Variants in COLQ observed in about 807,000 individuals in gnomAD.
COLQ encodes collagen like tail subunit of asymmetric acetylcholinesterase, also known as acetylcholinesterase collagenic tail peptide.
COLQ carries 48 observed loss-of-function variants against 69.0 expected under a neutral mutation model. That is an observed-to-expected ratio of 0.70 (90% CI 0.55 to 0.88). COLQ has a LOEUF of 0.88. Among genes scored for constraint, COLQ ranks in the 40% least tolerant of loss-of-function variants. The probability of loss-of-function intolerance (pLI) is 0.00; values close to 1 mark genes in which losing one functional copy is unlikely to be tolerated. For missense variants in COLQ, 618 were observed against 594.6 expected (o/e 1.04, Z -0.41); for synonymous variants, 217 against 211.2 (o/e 1.03, Z -0.24).
At chr3:15,465,153 G>T (rs1258863760) in intron 12 of COLQ, among the ~76,000 whole-genome samples, 2 of 95,436 alleles carry the variant, frequency 2.1e-5, no homozygotes, top group African/African-American at 8.4e-5. Context: ...CAACCTGGGC[G>T]ACAGAGCAAG....
chr3:15,498,733 G>C, intron 1 of COLQ: 2 of 1,536,388 alleles, frequency 1.3e-6, no homozygotes, highest in Non-Finnish European at 1.7e-6. Context: ...TGTTGCTTCT[G>C]CTCCAGATGC....
chr3:15,488,362 G>T, intron 2 of COLQ, 55 bp from the exon 3 acceptor site: 4 of 1,467,798 alleles, frequency 2.7e-6, no homozygotes, highest in East Asian at 2.3e-5. Context: ...CAGAGGAAGG[G>T]TCACCATCCT....
intron 10 of COLQ, among the ~76,000 whole-genome samples, chr3:15,471,222 G>A (rs919140043): frequency 1.3e-5 from 2 of 152,142 alleles, no homozygotes; most frequent in African/African-American, 4.8e-5. Context: ...TTCTTTTGTG[G>A]GAGAGATGTT....
chr3:15,509,945 G>T (rs1352755021), intron 1 of COLQ, among the ~76,000 whole-genome samples: 1 of 152,270 alleles, frequency 6.6e-6, no homozygotes, highest in East Asian at 1.9e-4. Context: ...GGCCGAGGTG[G>T]GTGGATCATG....
intron 16 of COLQ, 31 bp from the exon 17 acceptor site, chr3:15,451,744 CCA>C (rs778625958): frequency 8.3e-5 from 132 of 1,589,320 alleles, no homozygotes; most frequent in Non-Finnish European, 1.1e-4. Flanking sequence ...TTCTAAAAGG[CCA>C]CCTCTTATAT....
intron 12 of COLQ, 66 bp downstream of exon 12, chr3:15,466,275 T>C: frequency 8.8e-7 from 1 of 1,136,474 alleles, no homozygotes; most frequent in Admixed American, 1.7e-5. Flanking sequence ...GGCATCTCCT[T>C]GTGCCCTCTC....
intron 10 of COLQ, among the ~76,000 whole-genome samples, chr3:15,471,169 T>C (rs9828256): frequency 0.028 from 4,338 of 152,334 alleles, 190 homozygotes; most frequent in African/African-American, 0.097. Flanking sequence ...TTAGTAAGCA[T>C]TGGTTTGAGT....
chr3:15,475,153 C>T, intron 7 of COLQ: 2 of 681,704 alleles, frequency 2.9e-6, no homozygotes, highest in South Asian at 3.5e-5. Flanking sequence ...TTGCTTTTAT[C>T]ACTCTGCAAA....
intron 1 of COLQ, among the ~76,000 whole-genome samples, chr3:15,503,678 C>T (rs968778054): frequency 4.6e-5 from 7 of 152,118 alleles, no homozygotes; most frequent in African/African-American, 1.7e-4. Context: ...TATATTAGTA[C>T]TGTCATCCTC....
intron 1 of COLQ, among the ~76,000 whole-genome samples, chr3:15,515,583 A>G (rs1488421895): frequency 2.6e-5 from 4 of 152,118 alleles, no homozygotes; most frequent in African/African-American, 4.8e-5. Flanking sequence ...GCTGAGGCAG[A>G]CAGATCACAA....
Position 15,472,897 on chromosome 3 carries a change from G to C in COLQ, c.636+1103C>G, listed in dbSNP as rs374848162. On this transcript the variant is annotated intron_variant, in intron 10 of 16. Transcript: ENST00000383788. Reference sequence around the variant, plus strand: ...TTTTTCAGAGACATGGTCTTTCTCTGTGCCCAGGCTGGAGAGCAGTGGCAT... The same window carrying C: ...TTTTTCAGAGACATGGTCTTTCTCTCTGCCCAGGCTGGAGAGCAGTGGCAT... Among the ~76,000 whole-genome samples, 3 of 146,884 alleles carry C rather than the reference G, an allele frequency of 2.0e-5. No individual in the cohort carries two copies. The East Asian group carries it at 5.9e-4, about 29-fold the overall frequency.
At chr3:15,479,081 T>C (rs2062431553) in intron 4 of COLQ, 78 bp from the exon 5 acceptor site, 12 of 1,562,960 alleles carry the variant, frequency 7.7e-6, no homozygotes, top group African/African-American at 1.4e-5. Context: ...GTAGAGCTGA[T>C]GACTGGGCAT....
Position 15,467,511 on chromosome 3 carries a change from C to T in COLQ, c.718-1074G>A, listed in dbSNP as rs6783160. Reference sequence around the variant, plus strand: ...ATTAAAAAGGGCACATCTGTGGCTACAGCCGTTCCACATGGAGTGTCCTCT... The same window carrying T: ...ATTAAAAAGGGCACATCTGTGGCTATAGCCGTTCCACATGGAGTGTCCTCT... On this transcript the variant is annotated intron_variant, in intron 11 of 16. Coordinates refer to ENST00000383788, the MANE Select transcript of COLQ (RefSeq NM_005677.4). Among the ~76,000 whole-genome samples the T allele has an allele frequency of 0.5, 75,372 of 151,626 alleles. 19,293 individuals carry two copies. The highest frequency in any genetic ancestry group is 0.62 in the East Asian group (3,185 of 5,136).
intron 1 of COLQ, among the ~76,000 whole-genome samples, chr3:15,495,067 T>G (rs1284146780): frequency 6.6e-6 from 1 of 152,158 alleles, no homozygotes; most frequent in Non-Finnish European, 1.5e-5. Flanking sequence ...AGCCAGGCAG[T>G]CTGGTTCCGG....
intron 1 of COLQ, among the ~76,000 whole-genome samples, chr3:15,503,191 C>T (rs933615027): frequency 6.6e-6 from 1 of 152,212 alleles, no homozygotes; most frequent in African/African-American, 2.4e-5. Flanking sequence ...CTGGCTGCCT[C>T]CTCTACTAAC....
At chr3:15,484,538 C>T (rs1037861981) in intron 3 of COLQ, among the ~76,000 whole-genome samples, 9 of 152,236 alleles carry the variant, frequency 5.9e-5, no homozygotes, top group African/African-American at 2.2e-4. Flanking sequence ...TTCTCCCCGT[C>T]ACTTTCAGGT....
chr3:15,489,485 C>T, intron 2 of COLQ, 40 bp downstream of exon 2: 1 of 1,590,042 alleles, frequency 6.3e-7, no homozygotes, highest in Non-Finnish European at 8.6e-7. Context: ...CACTGAGTAG[C>T]CTGCACTTTT....
intron 1 of COLQ, among the ~76,000 whole-genome samples, chr3:15,491,349 C>G (rs11128746): frequency 0.037 from 5,646 of 152,282 alleles, 166 homozygotes; most frequent in Non-Finnish European, 0.057. Context: ...AACCTCTGAC[C>G]TCACAGAACA....
Position 15,475,451 on chromosome 3 carries a change from C to A in COLQ, c.502G>T (p.Gly168Trp). 2 of 1,602,140 alleles carry A rather than the reference C, an allele frequency of 1.2e-6. No individual in the cohort carries two copies. Among genetic ancestry groups the A allele is most frequent in the Non-Finnish European group, 1.7e-6 (2 of 1,173,672 alleles). The change falls in exon 7 of 17, where the codon GGG becomes TGG. Residue 168 changes from glycine (G) to tryptophan (W), a missense_variant. Transcript: ENST00000383788. ...TTGGAGCCCATTGGTCCTCTTGACC[C>A]TGGCAAGCCCATCATACCCAGGTCA... ...KGDLGMMGLP[G>W]SRGPMGSKGY...
Sources: allele counts gnomAD v4.1 joint callset (sites outside exome capture counted in the v4.1 genomes callset), GRCh38; gene constraint gnomAD v4.1.1; transcripts MANE v1.5; gene names NCBI Gene and HGNC (gene_info 2026-07-23, HGNC 2026-07-21).